The following FBXO2 variants were observed in gnomAD, a reference collection of about 807,000 sequenced individuals.
The protein encoded by FBXO2 is F-box only protein 2.
A neutral mutation model predicts 38.6 loss-of-function variants in FBXO2; 32 were observed. The ratio of observed to expected loss-of-function variants is 0.83; its 90% CI spans 0.62 to 1.11. FBXO2 has a LOEUF of 1.11. FBXO2 is among the 50% of genes most tolerant of loss of function. The pLI, the probability that FBXO2 is intolerant of heterozygous loss-of-function variation, is 0.00. For synonymous variants in FBXO2, 189 were observed against 182.9 expected, an observed-to-expected ratio of 1.03 and a Z score of -0.27; for missense variants, 450 against 418.3, an observed-to-expected ratio of 1.08 and a Z score of -0.66.
chr1:11,650,740 C>A lies in FBXO2; in HGVS notation c.117G>T (p.Glu39Asp). ...CCAGGTACGCGGCGGCGGCCGCCGC[C>A]TCCTCCTCCTGCTGGTCCTCCGGCC... ...EERPEDQQEEEAAAAAAYLDE... is the reference protein window; with the variant it reads ...EERPEDQQEEDAAAAAAYLDE... The change falls in exon 2 of 6, where the codon GAG becomes GAT. Residue 39 changes from glutamate to aspartate, a missense_variant. Glu to Asp is a conservative substitution (Grantham distance 45). Coordinates refer to ENST00000354287, the MANE Select transcript of FBXO2 (RefSeq NM_012168.6). 6.5e-7 allele frequency: 1 copy of A among 1,530,470 alleles called. No homozygotes were observed. The highest frequency in any genetic ancestry group is 8.7e-7 in the Non-Finnish European group (1 of 1,144,924). 94.8% of individuals were successfully genotyped at this position (1,530,470 alleles called of 1,614,324 possible).
Position 11,649,100 on chromosome 1 carries a change from C to T in FBXO2, c.743G>A (p.Gly248Glu), listed in dbSNP as rs894895922. Reference protein sequence around the residue: ...QVAVPQDSDGGGWMEISHTFT... With the variant: ...QVAVPQDSDGEGWMEISHTFT... Reference sequence around the variant, plus strand: ...CCCCAGGCTCACCTCCATCCAGCCCCCGCCGTCACTGTCTTGGGGCACTGC... The same window carrying T: ...CCCCAGGCTCACCTCCATCCAGCCCTCGCCGTCACTGTCTTGGGGCACTGC... Residue 248 changes from glycine (G) to glutamate (E), a missense_variant, in exon 5 of 6, where the codon GGG (glycine) becomes GAG (glutamate). Gly to Glu is a moderately conservative substitution (Grantham distance 98, BLOSUM62 -2). Coordinates refer to ENST00000354287, the MANE Select transcript of FBXO2 (RefSeq NM_012168.6). The T allele has an allele frequency of 2.5e-6, 4 of 1,597,958 alleles. No individual in the cohort carries two copies. The highest frequency in any genetic ancestry group is 3.4e-6 in the Non-Finnish European group (4 of 1,173,208).
At chr1:11,654,155 G>A (rs966751835) in intron 1 of FBXO2, 164 bp downstream of exon 1, 29 of 687,916 alleles carry the variant, frequency 4.2e-5, no homozygotes, top group Non-Finnish European at 6.5e-5. Context: ...CAAGATAGCA[G>A]AGAGACGTGC....
intron 2 of FBXO2, 116 bp from the exon 3 acceptor site, chr1:11,650,190 A>G: frequency 6.8e-7 from 1 of 1,476,204 alleles, no homozygotes; most frequent in South Asian, 1.2e-5. Flanking sequence ...TGGGCAGATG[A>G]TGAATGAGAG....
intron 1 of FBXO2, among the ~76,000 whole-genome samples, chr1:11,651,902 T>A (rs1417932088): frequency 6.6e-6 from 1 of 152,142 alleles, no homozygotes; most frequent in Non-Finnish European, 1.5e-5. Flanking sequence ...TTTCACCATG[T>A]TGGCATGGCT....
chr1:11,652,954 A>G (rs112295466), intron 1 of FBXO2, among the ~76,000 whole-genome samples: 2,791 of 152,224 alleles, frequency 0.018, 88 homozygotes, highest in African/African-American at 0.063. Flanking sequence ...TTCCTTATTA[A>G]CATTTTTTTG....
At chr1:11,652,954 AC>A (rs1639553860) in intron 1 of FBXO2, among the ~76,000 whole-genome samples, 1 of 152,114 alleles carries the variant, frequency 6.6e-6, no homozygotes, top group South Asian at 2.1e-4. Context: ...TTCCTTATTA[AC>A]ATTTTTTTGG....
At chr1:11,650,982 C>T in intron 1 of FBXO2, 148 bp from the exon 2 acceptor site, 2 of 1,245,686 alleles carry the variant, frequency 1.6e-6, no homozygotes, top group Non-Finnish European at 2.1e-6. Context: ...TACTGGTGCC[C>T]AAGGAGGAGG....
In FBXO2 at chr1:11,650,716, C is replaced by T. The variant is rs538863691; in HGVS notation, c.141G>A (p.Leu47=). Residue 47 remains leucine, a synonymous_variant, in exon 2 of 6, where the codon CTG becomes CTA. Transcript: ENST00000354287. Reference sequence around the variant, plus strand: ...GCAGCAGCGGCTCGGGCAGCTCGTCCAGGTACGCGGCGGCGGCCGCCGCCT... The same window carrying T: ...GCAGCAGCGGCTCGGGCAGCTCGTCTAGGTACGCGGCGGCGGCCGCCGCCT... ...EEEAAAAAAY[L]DELPEPLLLR... The T allele has an allele frequency of 9.8e-6, 15 of 1,523,996 alleles. No homozygotes were observed. Among genetic ancestry groups the T allele is most frequent in the Middle Eastern group, 2.0e-4 (1 of 5,062 alleles). The allele number at this position is 1,523,996 out of a possible 1,614,324, so 94.4% of individuals were successfully genotyped here.
Position 11,650,462 on chromosome 1 carries a change from T to G in FBXO2, c.391+4A>C, listed in dbSNP as rs766748529. 1 of 1,607,884 alleles carries G rather than the reference T, an allele frequency of 6.2e-7. No homozygotes were observed. Among genetic ancestry groups the G allele is most frequent in the Admixed American group, 1.7e-5 (1 of 59,386 alleles). On this transcript the variant is annotated splice_donor_region_variant and intron_variant, in intron 2 of 5. Coordinates refer to ENST00000354287, the MANE Select transcript of FBXO2 (RefSeq NM_012168.6). ...GCTGAGCTCGCCCAGCGAGGGCCTCTCACCTTCCCCACACGGGTTACGCAG... is the reference window on the plus strand; with the variant it reads ...GCTGAGCTCGCCCAGCGAGGGCCTCGCACCTTCCCCACACGGGTTACGCAG...
At position 11,654,300 on chromosome 1, in the gene FBXO2, C is replaced by T. The variant is rs910024028; in HGVS notation, c.22+19G>A. 6.7e-7 allele frequency: 1 copy of T among 1,485,818 alleles called. No individual in the cohort carries two copies. Among genetic ancestry groups the T allele is most frequent in the Non-Finnish European group, 8.9e-7 (1 of 1,124,870 alleles). The allele number at this position is 1,485,818 out of a possible 1,614,324, so 92.0% of individuals were successfully genotyped here. ...CATCTCCCCTCCCCGCCGCAGCGAG[C>T]GGTCCAGGCGTCGGCTACCTGGGTC... On this transcript the variant is annotated intron_variant, in intron 1 of 5. Coordinates refer to ENST00000354287, the MANE Select transcript of FBXO2 (RefSeq NM_012168.6).
chr1:11,652,586 A>G (rs1177055297), intron 1 of FBXO2, among the ~76,000 whole-genome samples: 1 of 152,196 alleles, frequency 6.6e-6, no homozygotes, highest in Non-Finnish European at 1.5e-5. Context: ...GCCTTGAGTA[A>G]GTGGACACCG....
At position 11,648,907 on chromosome 1, in the gene FBXO2, C is replaced by T. The variant is rs367676127; in HGVS notation, c.757-79G>A. ...CGCCCCACCCCGGTACACCGACCGA[C>T]CTGCAGCTCCCCCACTCGGTTTCTC... On this transcript the variant is annotated intron_variant, in intron 5 of 5. Coordinates refer to ENST00000354287, the MANE Select transcript of FBXO2 (RefSeq NM_012168.6). This position sits in a 1 kb window ranked among gnomAD's most constrained non-coding sequence, Gnocchi z 4.2. 22 of 1,574,134 alleles carry T rather than the reference C, an allele frequency of 1.4e-5. No homozygotes were observed. Among genetic ancestry groups the T allele is most frequent in the South Asian group, 1.3e-4 (11 of 87,892 alleles).
chr1:11,650,397 G>A lies in FBXO2; in HGVS notation c.391+69C>T, dbSNP rs539726551. 7 of 1,543,806 alleles carry A rather than the reference G, an allele frequency of 4.5e-6. No individual in the cohort carries two copies. In the Admixed American group the frequency reaches 5.8e-5, roughly 13 times the overall value. On this transcript the variant is annotated intron_variant, in intron 2 of 5. Coordinates refer to ENST00000354287, the MANE Select transcript of FBXO2 (RefSeq NM_012168.6). The stretch of plus-strand genomic sequence containing the variant: ...CGCTTAATCCCATTTCTCCCTCAAA[G>A]CCAGGCGGCGCCGTTTCGGCCCATT...
rs767904212 is a variant in FBXO2, at chr1:11,650,668, C to A, written c.189G>T (p.Pro63=). ...GGCAGGCCTGCACCAGCTCGGCGGC[C>A]GGCAGTGCGGCCAGCACGCGCAGCA... is the stretch of plus-strand genomic sequence containing the variant. The part of the protein sequence containing the change: ...PLLLRVLAAL[P]AAELVQACRL... Residue 63 remains proline, a synonymous_variant, in exon 2 of 6, where the codon CCG becomes CCT. Transcript: ENST00000354287. The A allele has an allele frequency of 1.3e-6, 2 of 1,544,874 alleles. No homozygotes were observed. Among genetic ancestry groups the A allele is most frequent in the East Asian group, 2.4e-5 (1 of 41,184 alleles).
Position 11,654,414 on chromosome 1 carries a change from G to A in FBXO2, c.-74C>T. On this transcript the variant is annotated 5_prime_UTR_variant, in exon 1 of 6. Transcript: ENST00000354287. ...CGCGAGTCCCGGGGCGGCGAGTCCC[G>A]GCGCTGTCCGCGTCTGTGTCGGTCC... 1.5e-6 allele frequency: 2 copies of A among 1,311,670 alleles called. No homozygotes were observed. The highest frequency in any genetic ancestry group is 1.9e-6 in the Non-Finnish European group (2 of 1,027,502). The allele number at this position is 1,311,670 out of a possible 1,614,324, so 81.3% of individuals were successfully genotyped here.
Position 11,648,570 on chromosome 1 carries a change from A to G in FBXO2, c.*124T>C. 7.4e-7 allele frequency: 1 copy of G among 1,345,842 alleles called. No individual in the cohort carries two copies. Among genetic ancestry groups the G allele is most frequent in the Non-Finnish European group, 1.0e-6 (1 of 984,588 alleles). The allele number at this position is 1,345,842 out of a possible 1,614,324, so 83.4% of individuals were successfully genotyped here. On this transcript the variant is annotated 3_prime_UTR_variant, in exon 6 of 6. Transcript: ENST00000354287. This position sits in a 1 kb window ranked among gnomAD's most constrained non-coding sequence, Gnocchi z 4.2. Reference sequence around the variant, plus strand: ...CTCCCTGCTCAGGGGCTGGGATCGGAGCAAGGGATGGGAGGAGGATGTGTG... The same window carrying G: ...CTCCCTGCTCAGGGGCTGGGATCGGGGCAAGGGATGGGAGGAGGATGTGTG...
Position 11,648,552 on chromosome 1 carries a change from C to T in FBXO2, c.*142G>A. 2 of 1,210,144 alleles carry T rather than the reference C, an allele frequency of 1.7e-6. No homozygotes were observed. Among genetic ancestry groups the T allele is most frequent in the Non-Finnish European group, 2.3e-6 (2 of 875,496 alleles). 75.0% of individuals were successfully genotyped at this position (1,210,144 alleles called of 1,614,324 possible). On this transcript the variant is annotated 3_prime_UTR_variant, in exon 6 of 6. Transcript: ENST00000354287. This position sits in a 1 kb window ranked among gnomAD's most constrained non-coding sequence, Gnocchi z 4.2. ...TGCCAACAAAACTTCTCTCTCCCTG[C>T]TCAGGGGCTGGGATCGGAGCAAGGG...
intron 1 of FBXO2, among the ~76,000 whole-genome samples, chr1:11,652,630 TGAG>T (rs1639544928): frequency 2.6e-5 from 4 of 152,094 alleles, no homozygotes; most frequent in African/African-American, 9.7e-5. Context: ...GGAGAGCCAG[TGAG>T]GAGGAGACGG....
chr1:11,648,986 C>CCCAGT lies in FBXO2; in HGVS notation c.756+100_756+101insACTGG. The CCCAGT allele has an allele frequency of 1.4e-6, 2 of 1,409,714 alleles. No individual in the cohort carries two copies. The highest frequency in any genetic ancestry group is 1.9e-6 in the Non-Finnish European group (2 of 1,035,888). 87.3% of individuals were successfully genotyped at this position (1,409,714 alleles called of 1,614,324 possible). A position where few individuals can be genotyped will look rare whatever the true frequency, so the allele number is the denominator to read the frequency against. On this transcript the variant is annotated intron_variant, in intron 5 of 5. Transcript: ENST00000354287. This position sits in a 1 kb window ranked among gnomAD's most constrained non-coding sequence, Gnocchi z 4.2. ...CGGTGACTATCTCAGCCCAGCCCAG[C>CCCAGT]CCAGCCCACCCCAGCCCAGGAGCGC...
Sources: allele counts gnomAD v4.1 joint callset (sites outside exome capture counted in the v4.1 genomes callset), GRCh38; gene constraint gnomAD v4.1.1; non-coding constraint Gnocchi (gnomAD v3.1); transcripts MANE v1.5; gene names NCBI Gene and HGNC (gene_info 2026-07-23, HGNC 2026-07-21).